The following GLDC variants were observed in gnomAD, a reference collection of about 807,000 sequenced individuals.
GLDC encodes glycine dehydrogenase (decarboxylating), mitochondrial.
A neutral mutation model predicts 121.3 loss-of-function variants in GLDC; 104 were observed. The observed-to-expected ratio is 0.86, with a 90% CI of 0.73 to 1.01. GLDC has a LOEUF of 1.01. Ranked by LOEUF, GLDC falls within the 50% of genes least tolerant of loss-of-function variation. GLDC has a pLI of 0.00. For missense variants in GLDC, 1,429 were observed against 1,306.6 expected (o/e 1.09, Z -1.44); for synonymous variants, 546 against 480.6 (o/e 1.14, Z -1.78).
At chr9:6,564,616 C>G (rs1259055748) in intron 16 of GLDC, among the ~76,000 whole-genome samples, 5 of 152,232 alleles carry the variant, frequency 3.3e-5, no homozygotes, top group East Asian at 1.9e-4. Flanking sequence ...CGCCCCACAG[C>G]TCAGTACAAA....
intron 5 of GLDC, among the ~76,000 whole-genome samples, chr9:6,606,325 A>ACAAAT (rs1818732304): frequency 7.7e-6 from 1 of 130,428 alleles, no homozygotes; most frequent in Non-Finnish European, 1.6e-5. Context: ...AAAAAAAAAA[A>ACAAAT]AAAAGAAGAA....
Position 6,620,336 on chromosome 9 carries a change from G to A in GLDC, c.335-17C>T, listed in dbSNP as rs763623757. The A allele has an allele frequency of 1.2e-6, 2 of 1,610,468 alleles. No homozygotes were observed. Among genetic ancestry groups the A allele is most frequent in the South Asian group, 1.1e-5 (1 of 91,006 alleles). On this transcript the variant is annotated splice_polypyrimidine_tract_variant and intron_variant, in intron 2 of 24. Coordinates refer to ENST00000321612, the MANE Select transcript of GLDC (RefSeq NM_000170.3). ...CATTTTCACCTAATTGTGGGAAAAAGAGAAATGTTACAGACAGATGTCTCA... is the reference window on the plus strand; with the variant it reads ...CATTTTCACCTAATTGTGGGAAAAAAAGAAATGTTACAGACAGATGTCTCA...
intron 15 of GLDC, among the ~76,000 whole-genome samples, chr9:6,566,114 G>A (rs1817850608): frequency 6.6e-6 from 1 of 152,144 alleles, no homozygotes. Context: ...GTGATAGCAT[G>A]CATCTGTAGT....
chr9:6,630,240 G>T (rs1230128212), intron 2 of GLDC, among the ~76,000 whole-genome samples: 1 of 151,914 alleles, frequency 6.6e-6, no homozygotes, highest in Non-Finnish European at 1.5e-5. Context: ...CTGCACCCCA[G>T]CCTGGGTGAC....
At position 6,538,526 on chromosome 9, in the gene GLDC, A is replaced by G. The variant is rs12002731; in HGVS notation, c.2665+1525T>C. On this transcript the variant is annotated intron_variant, in intron 22 of 24. Transcript: ENST00000321612. ...ATGTTCATTGTTTTTCGACTTAGCT[A>G]TTCATTTGGTCTCTCATTTATTAAC... Among the ~76,000 whole-genome samples the G allele has an allele frequency of 5.2e-3, 786 of 152,326 alleles. 8 individuals are homozygous for G. Among genetic ancestry groups the G allele is most frequent in the African/African-American group, 0.018 (730 of 41,574 alleles).
intron 21 of GLDC, among the ~76,000 whole-genome samples, chr9:6,549,626 G>T (rs79503345): frequency 6.5e-4 from 99 of 152,186 alleles, no homozygotes; most frequent in East Asian, 6.4e-3. Context: ...TCAGCTATTA[G>T]GTCCTGAGCC....
chr9:6,575,131 G>A (rs552727490), intron 15 of GLDC, among the ~76,000 whole-genome samples: 16 of 151,484 alleles, frequency 1.1e-4, no homozygotes, highest in Non-Finnish European at 1.5e-4. Context: ...GCTTGAATTC[G>A]GGAGTCAGAG....
chr9:6,552,875 C>T (rs1344665670), intron 20 of GLDC, among the ~76,000 whole-genome samples: 1 of 152,098 alleles, frequency 6.6e-6, no homozygotes, highest in Non-Finnish European at 1.5e-5. Flanking sequence ...GGCCAAAGAG[C>T]TCTGGGGAAA....
At position 6,580,461 on chromosome 9, in the gene GLDC, G is replaced by C. The variant is rs1818151745; in HGVS notation, c.1850+6680C>G. 2.0e-5 allele frequency among the ~76,000 whole-genome samples: 3 copies of C among 152,334 alleles called. No homozygotes were observed. The South Asian group carries it at 6.2e-4, about 32-fold the overall frequency. On this transcript the variant is annotated intron_variant, in intron 15 of 24. Coordinates refer to ENST00000321612, the MANE Select transcript of GLDC (RefSeq NM_000170.3). ...CCTGCATGCCAGAACTTCTTCAGAAGTGAGGGGTCTACTGATCCGGAAGAT... is the reference window on the plus strand; with the variant it reads ...CCTGCATGCCAGAACTTCTTCAGAACTGAGGGGTCTACTGATCCGGAAGAT...
intron 5 of GLDC, among the ~76,000 whole-genome samples, chr9:6,605,545 C>A (rs1404899642): frequency 6.6e-6 from 1 of 152,092 alleles, no homozygotes; most frequent in Admixed American, 6.6e-5. Flanking sequence ...TCAGAGAGGC[C>A]CAAGAGCATT....
At chr9:6,601,247 C>T (rs1172143419) in intron 8 of GLDC, among the ~76,000 whole-genome samples, 1 of 152,158 alleles carries the variant, frequency 6.6e-6, no homozygotes, top group East Asian at 1.9e-4. Context: ...TCCCCTCAAG[C>T]ACAGTCATCA....
intron 18 of GLDC, among the ~76,000 whole-genome samples, chr9:6,555,579 G>C (rs1413431309): frequency 1.3e-5 from 2 of 151,752 alleles, no homozygotes; most frequent in Non-Finnish European, 2.9e-5. Context: ...GACCAGCCTG[G>C]GCAACACAGT....
intron 20 of GLDC, among the ~76,000 whole-genome samples, chr9:6,552,928 G>A (rs1475644039): frequency 7.0e-6 from 1 of 143,828 alleles, no homozygotes; most frequent in Non-Finnish European, 1.5e-5. Context: ...CTTCTCCTCT[G>A]GCCCCCCCCA....
intron 3 of GLDC, among the ~76,000 whole-genome samples, chr9:6,614,027 C>G (rs1818916464): frequency 6.6e-6 from 1 of 151,986 alleles, no homozygotes; most frequent in Non-Finnish European, 1.5e-5. Context: ...TCTGCCCACC[C>G]TGGCCTCCCA....
intron 4 of GLDC, among the ~76,000 whole-genome samples, chr9:6,609,168 T>C (rs1322345969): frequency 6.6e-6 from 1 of 152,226 alleles, no homozygotes; most frequent in Non-Finnish European, 1.5e-5. Flanking sequence ...TCCTAAGTAC[T>C]GGCAAGGCAA....
intron 2 of GLDC, 149 bp from the exon 3 acceptor site, chr9:6,620,468 C>G: frequency 1.5e-6 from 1 of 665,898 alleles, no homozygotes; most frequent in African/African-American, 1.8e-5. Flanking sequence ...ACACTAAGTA[C>G]TGTATGCGAC....
Position 6,545,225 on chromosome 9 carries a change from G to A in GLDC, c.2570-5079C>T, listed in dbSNP as rs560112289. On this transcript the variant is annotated intron_variant, in intron 21 of 24. Transcript: ENST00000321612. ...CGTTCTGAGAAGTGCATTGTGAGAT[G>A]ACTTTGTCATTGTGCAAACAGCATG... 4.6e-5 allele frequency among the ~76,000 whole-genome samples: 7 copies of A among 152,298 alleles called. No individual in the cohort carries two copies. In the South Asian group the frequency reaches 1.4e-3, roughly 32 times the overall value.
intron 9 of GLDC, among the ~76,000 whole-genome samples, chr9:6,594,107 G>T (rs577944186): frequency 6.6e-6 from 1 of 151,988 alleles, no homozygotes; most frequent in Non-Finnish European, 1.5e-5. Flanking sequence ...TTACATACAC[G>T]AGTAACCATG....
At chr9:6,573,786 C>T (rs990326595) in intron 15 of GLDC, among the ~76,000 whole-genome samples, 20 of 152,136 alleles carry the variant, frequency 1.3e-4, no homozygotes, top group Admixed American at 1.3e-3. Flanking sequence ...TCGAAATGAC[C>T]CACTTCAGTT....
Sources: allele counts gnomAD v4.1 joint callset (sites outside exome capture counted in the v4.1 genomes callset), GRCh38; gene constraint gnomAD v4.1.1; transcripts MANE v1.5; gene names NCBI Gene and HGNC (gene_info 2026-07-23, HGNC 2026-07-21).